LPP: variants seen among roughly 807,000 people sequenced by gnomAD.
The protein encoded by LPP is lipoma-preferred partner.
Under a neutral mutation model 60.4 loss-of-function variants are expected in LPP, and 38 were observed. The observed-to-expected ratio is 0.63, with a 90% CI of 0.49 to 0.83. The LOEUF (loss-of-function observed/expected upper bound fraction) is 0.83. Among genes scored for constraint, LPP ranks in the 40% least tolerant of loss-of-function variants. The pLI is 0.00. For synonymous variants in LPP, 328 were observed against 290.8 expected, an observed-to-expected ratio of 1.13 and a Z score of -1.30; for missense variants, 902 against 783.6, an observed-to-expected ratio of 1.15 and a Z score of -1.80.
rs1212232651 is a variant in LPP, at chr3:188,514,827, G to A, written c.307-9838G>A. Reference sequence around the variant, plus strand: ...CTAATCTCCTTGTCACTGTCCAAAAGTTAGGTTCACCAGCCTATTTATGGA... The same window carrying A: ...CTAATCTCCTTGTCACTGTCCAAAAATTAGGTTCACCAGCCTATTTATGGA... On this transcript the variant is annotated intron_variant, in intron 5 of 11. Transcript: ENST00000617246. Among the ~76,000 whole-genome samples the A allele has an allele frequency of 2.0e-5, 3 of 152,168 alleles. No individual in the cohort carries two copies. The East Asian group carries it at 5.8e-4, about 29-fold the overall frequency.
intron 3 of LPP, among the ~76,000 whole-genome samples, chr3:188,351,895 T>C (rs995666285): frequency 1.3e-5 from 2 of 152,190 alleles, no homozygotes; most frequent in African/African-American, 4.8e-5. Context: ...GCTCTTCTAC[T>C]CTCCTTTCCA....
At chr3:188,658,108 A>G (rs1560021489) in intron 7 of LPP, among the ~76,000 whole-genome samples, 4 of 10,044 alleles carry the variant, frequency 4.0e-4, no homozygotes, top group East Asian at 4.8e-3. Context: ...GAAGTGTTCC[A>G]TATTTCTGAA....
chr3:188,219,242 T>C (rs1336988149), intron 1 of LPP, among the ~76,000 whole-genome samples: 1 of 152,202 alleles, frequency 6.6e-6, no homozygotes, highest in Non-Finnish European at 1.5e-5. Context: ...AGTAAGTTGC[T>C]CAAAATTCCA....
At chr3:188,581,722 A>C (rs569675080) in intron 6 of LPP, among the ~76,000 whole-genome samples, 1 of 152,132 alleles carries the variant, frequency 6.6e-6, no homozygotes, top group Non-Finnish European at 1.5e-5. Flanking sequence ...GCTTCGCTCT[A>C]TTTTACCTCC....
chr3:188,161,319 G>T (rs1264515482), intron 1 of LPP, among the ~76,000 whole-genome samples: 1 of 152,210 alleles, frequency 6.6e-6, no homozygotes, highest in African/African-American at 2.4e-5. Context: ...GGAGAAATGG[G>T]CCTGTATCGG....
At chr3:188,207,012 C>A (rs1428109144) in intron 1 of LPP, among the ~76,000 whole-genome samples, 1 of 152,106 alleles carries the variant, frequency 6.6e-6, no homozygotes, top group African/African-American at 2.4e-5. Flanking sequence ...TTAAACTCAT[C>A]AATGGTATAA....
Position 188,690,267 on chromosome 3 carries a change from T to C in LPP, c.1114-18000T>C, listed in dbSNP as rs568940304. ...CTCTGGCTCCCGAGTCCAGTGTTCA[T>C]TACGCTATGTGACATGTCAGTATTG... On this transcript the variant is annotated intron_variant, in intron 7 of 11. Coordinates refer to ENST00000617246, the MANE Select transcript of LPP (RefSeq NM_001375462.1). Among the ~76,000 whole-genome samples the C allele has an allele frequency of 2.0e-5, 3 of 152,294 alleles. No individual in the cohort carries two copies. In the East Asian group the frequency reaches 5.8e-4, roughly 29 times the overall value.
intron 9 of LPP, among the ~76,000 whole-genome samples, chr3:188,819,539 T>C (rs1194592330): frequency 6.6e-6 from 1 of 152,170 alleles, no homozygotes; most frequent in African/African-American, 2.4e-5. Context: ...GGTATTGTAA[T>C]AGAATCATAA....
At chr3:188,660,476 A>G (rs991493116) in intron 7 of LPP, among the ~76,000 whole-genome samples, 2 of 152,238 alleles carry the variant, frequency 1.3e-5, no homozygotes, top group African/African-American at 4.8e-5. Context: ...CATTGTATGC[A>G]TGTAGAAATC....
At chr3:188,793,849 T>A (rs1744559024) in intron 9 of LPP, among the ~76,000 whole-genome samples, 1 of 152,098 alleles carries the variant, frequency 6.6e-6, no homozygotes, top group East Asian at 1.9e-4. Flanking sequence ...AGTCTGGGCC[T>A]CTTATATGTG....
intron 6 of LPP, among the ~76,000 whole-genome samples, chr3:188,607,120 C>T (rs1485540224): frequency 4.9e-5 from 1 of 20,584 alleles, no homozygotes; most frequent in African/African-American, 1.4e-4. Flanking sequence ...GGTGAAGACA[C>T]ACACACACAC....
At chr3:188,597,855 C>A (rs1228136062) in intron 6 of LPP, among the ~76,000 whole-genome samples, 1 of 152,124 alleles carries the variant, frequency 6.6e-6, no homozygotes, top group Non-Finnish European at 1.5e-5. Flanking sequence ...GGAAAAATCT[C>A]TTTGCTAGAC....
At chr3:188,473,178 A>G (rs1802288829) in intron 4 of LPP, among the ~76,000 whole-genome samples, 1 of 152,154 alleles carries the variant, frequency 6.6e-6, no homozygotes. Context: ...ACGGTTGAAA[A>G]TAGTATAAAG....
At chr3:188,362,269 T>C (rs765740959) in intron 3 of LPP, among the ~76,000 whole-genome samples, 1 of 152,236 alleles carries the variant, frequency 6.6e-6, no homozygotes, top group Non-Finnish European at 1.5e-5. Context: ...GCTGAGGTTA[T>C]GGGAAAAGAG....
At chr3:188,474,880 A>G (rs527875648) in intron 4 of LPP, among the ~76,000 whole-genome samples, 3 of 152,356 alleles carry the variant, frequency 2.0e-5, no homozygotes, top group African/African-American at 7.2e-5. Flanking sequence ...TCAAAAATAT[A>G]TGGTGTGGTT....
At chr3:188,252,623 G>T (rs2149592727) in intron 2 of LPP, among the ~76,000 whole-genome samples, 2 of 152,158 alleles carry the variant, frequency 1.3e-5, no homozygotes, top group South Asian at 4.1e-4. Context: ...CCAATTTGAT[G>T]GATGAGAAGT....
At chr3:188,500,773 G>A (rs1811593532) in intron 5 of LPP, among the ~76,000 whole-genome samples, 1 of 151,938 alleles carries the variant, frequency 6.6e-6, no homozygotes, top group Non-Finnish European at 1.5e-5. Flanking sequence ...TTTAGTCTTG[G>A]TGCATTTTGT....
At chr3:188,467,518 G>A (rs1007537699) in intron 4 of LPP, among the ~76,000 whole-genome samples, 10 of 151,982 alleles carry the variant, frequency 6.6e-5, no homozygotes, top group Non-Finnish European at 1.0e-4. Context: ...CTTAATCTCT[G>A]GAACATGTGA....
chr3:188,751,266 T>G (rs563295518), intron 8 of LPP, among the ~76,000 whole-genome samples: 2 of 152,150 alleles, frequency 1.3e-5, no homozygotes, highest in Non-Finnish European at 2.9e-5. Context: ...ACCCTTTGAG[T>G]GGACCTAAGG....
Sources: gnomAD v4.1 joint callset for allele counts (sites outside exome capture counted in the v4.1 genomes callset) on GRCh38, gnomAD v4.1.1 for gene constraint, MANE v1.5 for transcripts, NCBI Gene and HGNC (gene_info 2026-07-23, HGNC 2026-07-21) for gene names.